MYH15: variants seen among roughly 807,000 people sequenced by gnomAD.
MYH15 encodes the protein myosin heavy chain 15, also known as myosin-15.
Under a neutral mutation model 240.5 loss-of-function variants are expected in MYH15, and 227 were observed. That is an observed-to-expected ratio of 0.94 (90% CI 0.85 to 1.05). The LOEUF is 1.05. Ranked by LOEUF, MYH15 falls within the 50% of genes least tolerant of loss-of-function variation. MYH15 has a pLI of 0.00. For missense variants in MYH15, 2,217 were observed against 2,247.5 expected, an observed-to-expected ratio of 0.99 and a Z score of 0.27; for synonymous variants, 785 against 796.7, an observed-to-expected ratio of 0.99 and a Z score of 0.25.
At chr3:108,495,674 C>A in intron 7 of MYH15, 106 bp downstream of exon 7, 2 of 660,890 alleles carry the variant, frequency 3.0e-6, no homozygotes, top group Non-Finnish European at 4.8e-6. Context: ...AATCAAAGAC[C>A]TTCTTTGGTG....
chr3:108,426,335 T>C (rs772612916), intron 27 of MYH15, among the ~76,000 whole-genome samples: 3 of 152,018 alleles, frequency 2.0e-5, no homozygotes, highest in African/African-American at 4.8e-5. Flanking sequence ...TCTGAGACCT[T>C]TGTGGCTGCC....
intron 31 of MYH15, among the ~76,000 whole-genome samples, 174 bp from the exon 32 acceptor site, chr3:108,408,578 T>C (rs1484784294): frequency 1.3e-5 from 2 of 152,368 alleles, no homozygotes; most frequent in South Asian, 2.1e-4. Flanking sequence ...ATTCATTTTT[T>C]CATATAGTCT....
At chr3:108,503,251 A>G (rs2083451676) in intron 2 of MYH15, among the ~76,000 whole-genome samples, 1 of 152,148 alleles carries the variant, frequency 6.6e-6, no homozygotes, top group African/African-American at 2.4e-5. Flanking sequence ...GTCACAAATC[A>G]CCTTAAGTGC....
chr3:108,437,185 A>AC (rs528339411), intron 25 of MYH15, among the ~76,000 whole-genome samples: 3 of 142,504 alleles, frequency 2.1e-5, no homozygotes, highest in Admixed American at 7.0e-5. Flanking sequence ...ATCAGGATCA[A>AC]TTTTTTTTTT....
At chr3:108,398,290 A>G (rs373633830) in intron 35 of MYH15, among the ~76,000 whole-genome samples, 130 of 152,300 alleles carry the variant, frequency 8.5e-4, no homozygotes, top group African/African-American at 3.0e-3. Flanking sequence ...AATGGCAAAG[A>G]TTGCCGGTAA....
chr3:108,487,187 G>C (rs2083313095), intron 9 of MYH15, among the ~76,000 whole-genome samples: 1 of 152,228 alleles, frequency 6.6e-6, no homozygotes, highest in Non-Finnish European at 1.5e-5. Flanking sequence ...ATCATCAGCT[G>C]ACTTGGCAGA....
At chr3:108,494,403 TTTCC>T (rs2083376593) in intron 7 of MYH15, among the ~76,000 whole-genome samples, 3 of 152,148 alleles carry the variant, frequency 2.0e-5, no homozygotes, top group Admixed American at 6.5e-5. Context: ...CTCTTCTTTC[TTTCC>T]TTCCATTTAT....
chr3:108,439,990 T>C, intron 23 of MYH15, 77 bp from the exon 24 acceptor site: 1 of 1,323,268 alleles, frequency 7.6e-7, no homozygotes, highest in Non-Finnish European at 1.0e-6. Flanking sequence ...ATTTCTCTTC[T>C]GTCGTCCAAA....
rs1191689121 is a variant in MYH15 at position 108,399,143 on chromosome 3, G to C, written c.4861C>G (p.Leu1621Val). 1.9e-6 allele frequency: 3 copies of C among 1,614,120 alleles called. No homozygotes were observed. Among genetic ancestry groups the C allele is most frequent in the Non-Finnish European group, 2.5e-6 (3 of 1,180,048 alleles). Residue 1621 changes from leucine (L) to valine (V), a missense_variant, in exon 34 of 41, where the codon CTT becomes GTT. Leu to Val is a conservative substitution (Grantham distance 32). Coordinates refer to ENST00000693548, the MANE Select transcript of MYH15 (RefSeq NM_014981.3). ...GACACCTGCCGGTTGGCACAGCTAA[G>C]CTGGAGTTCCATCTCATTGAGGTCC... is the stretch of plus-strand genomic sequence containing the variant. ...EEDLNEMELQLSCANRQVSEA... is the reference protein window; with the variant it reads ...EEDLNEMELQVSCANRQVSEA...
intron 2 of MYH15, among the ~76,000 whole-genome samples, chr3:108,502,316 T>C (rs1259543914): frequency 6.6e-6 from 1 of 152,194 alleles, no homozygotes; most frequent in Admixed American, 6.5e-5. Context: ...TCCCAACTAC[T>C]CCAGCTTATT....
chr3:108,522,707 G>T (rs1239684546), intron 1 of MYH15, among the ~76,000 whole-genome samples: 2 of 152,006 alleles, frequency 1.3e-5, no homozygotes, highest in Non-Finnish European at 2.9e-5. Context: ...ATTAATAATT[G>T]CTAAAGAGGA....
rs185315250 is a variant in MYH15, at chr3:108,471,756, A to G, written c.1234-909T>C. Among the ~76,000 whole-genome samples the G allele has an allele frequency of 9.2e-5, 14 of 152,226 alleles. No homozygotes were observed. In the East Asian group the frequency reaches 2.7e-3, roughly 29 times the overall value. On this transcript the variant is annotated intron_variant, in intron 12 of 40. Coordinates refer to ENST00000693548, the MANE Select transcript of MYH15 (RefSeq NM_014981.3). ...CCCAGTATCTCTCCCCTGTTGCAATATATCTATTGCAGCAGTCCTGAATGA... is the reference window on the plus strand; with the variant it reads ...CCCAGTATCTCTCCCCTGTTGCAATGTATCTATTGCAGCAGTCCTGAATGA...
At chr3:108,550,180 T>C in the MYH15 span, 1 of 151,678 alleles carries the variant, frequency 6.6e-6, no homozygotes, top group African/African-American at 2.4e-5. Context: ...TTAGAGGATA[T>C]GATTCAAATG....
intron 11 of MYH15, among the ~76,000 whole-genome samples, chr3:108,484,803 G>A (rs1560417432): frequency 6.6e-6 from 1 of 152,064 alleles, no homozygotes; most frequent in African/African-American, 2.4e-5. Context: ...TTCTCTCATT[G>A]TTCTCAATAA....
intron 1 of MYH15, among the ~76,000 whole-genome samples, chr3:108,519,051 T>C (rs1022341913): frequency 6.6e-6 from 1 of 152,142 alleles, no homozygotes. Context: ...GAGTCCTTGC[T>C]CTTAAGCATG....
chr3:108,540,069 A>G, the MYH15 span, among the ~76,000 whole-genome samples: 1 of 152,206 alleles, frequency 6.6e-6, no homozygotes, highest in East Asian at 1.9e-4. Context: ...CTAAAAGCAC[A>G]CTAAAAAAAA....
rs777157883 is a variant in MYH15, at chr3:108,410,564, T to C, written c.4495+19A>G. 26 of 1,536,230 alleles carry C rather than the reference T, an allele frequency of 1.7e-5. No homozygotes were observed. The highest frequency in any genetic ancestry group is 2.3e-5 in the Non-Finnish European group (26 of 1,132,868). ...GAGCTACCCGCTCTGGCTTTGGCTC[T>C]GAGCCCAGCTCGGTGTACCTTGGAG... On this transcript the variant is annotated intron_variant, in intron 31 of 40. Coordinates refer to ENST00000693548, the MANE Select transcript of MYH15 (RefSeq NM_014981.3).
intron 27 of MYH15, among the ~76,000 whole-genome samples, chr3:108,425,782 C>T (rs899535559): frequency 1.3e-5 from 2 of 152,136 alleles, no homozygotes; most frequent in African/African-American, 4.8e-5. Context: ...TGAGGACTCA[C>T]AAGAAGAGGA....
intron 27 of MYH15, among the ~76,000 whole-genome samples, chr3:108,424,755 A>G (rs1324937272): frequency 1.3e-5 from 2 of 152,230 alleles, no homozygotes; most frequent in Non-Finnish European, 2.9e-5. Flanking sequence ...CAATTCAAGG[A>G]ACAGTTTAGC....
Sources: allele counts gnomAD v4.1 joint callset (sites outside exome capture counted in the v4.1 genomes callset), GRCh38; gene constraint gnomAD v4.1.1; transcripts MANE v1.5; gene names NCBI Gene and HGNC (gene_info 2026-07-23, HGNC 2026-07-21).